The following CNTNAP2 variants were observed in gnomAD, a reference collection of about 807,000 sequenced individuals.
The protein encoded by CNTNAP2 is contactin-associated protein-like 2.
A neutral mutation model predicts 155.2 loss-of-function variants in CNTNAP2; 98 were observed. That is an observed-to-expected ratio of 0.63 (90% CI 0.54 to 0.75). The LOEUF is 0.75. Among genes scored for constraint, CNTNAP2 ranks in the 30% least tolerant of loss-of-function variants. The pLI is 0.00. For synonymous variants in CNTNAP2, 651 were observed against 631.2 expected (o/e 1.03, Z -0.47); for missense variants, 1,727 against 1,688.1 (o/e 1.02, Z -0.40).
chr7:148,166,833 C>T lies in CNTNAP2; in HGVS notation c.2774-5409C>T, dbSNP rs114321977. Among the ~76,000 whole-genome samples, 466 of 152,256 alleles carry T rather than the reference C, an allele frequency of 3.1e-3. 2 individuals carry two copies. The highest frequency in any genetic ancestry group is 0.01 in the African/African-American group (428 of 41,554). On this transcript the variant is annotated intron_variant, in intron 17 of 23. Transcript: ENST00000361727. Reference sequence around the variant, plus strand: ...TTTGCTTGAAGACCTATAATTTAAACTTATGACGTTTGTCACCAAGAAAGA... The same window carrying T: ...TTTGCTTGAAGACCTATAATTTAAATTTATGACGTTTGTCACCAAGAAAGA...
chr7:146,821,542 A>C (rs1156626001), intron 2 of CNTNAP2, among the ~76,000 whole-genome samples: 3 of 152,128 alleles, frequency 2.0e-5, no homozygotes, highest in African/African-American at 4.8e-5. Flanking sequence ...GCAACCTACG[A>C]AATGGGAGAA....
At chr7:146,906,744 C>T (rs957989338) in intron 3 of CNTNAP2, among the ~76,000 whole-genome samples, 11 of 152,160 alleles carry the variant, frequency 7.2e-5, no homozygotes, top group African/African-American at 2.7e-4. Context: ...ACGCAGAACA[C>T]CTCTCCTCCT....
intron 13 of CNTNAP2, among the ~76,000 whole-genome samples, chr7:147,649,853 TA>T (rs1404811261): frequency 1.3e-5 from 2 of 151,160 alleles, no homozygotes; most frequent in African/African-American, 4.8e-5. Context: ...AAAAGTCTTC[TA>T]AAAAGATTGG....
At chr7:146,830,333 A>G (rs1353591090) in intron 2 of CNTNAP2, among the ~76,000 whole-genome samples, 1 of 152,072 alleles carries the variant, frequency 6.6e-6, no homozygotes, top group Non-Finnish European at 1.5e-5. Context: ...TGATTTTTGA[A>G]AAAGGAAACA....
At chr7:146,403,742 G>C (rs1451779113) in intron 1 of CNTNAP2, among the ~76,000 whole-genome samples, 1 of 151,920 alleles carries the variant, frequency 6.6e-6, no homozygotes, top group Non-Finnish European at 1.5e-5. Flanking sequence ...AACACTATTG[G>C]ACAAAACAAA....
At chr7:146,429,882 G>C (rs182905002) in intron 1 of CNTNAP2, among the ~76,000 whole-genome samples, 8 of 152,140 alleles carry the variant, frequency 5.3e-5, no homozygotes, top group African/African-American at 1.9e-4. Context: ...TCTTATTATT[G>C]TGAAGTATGT....
At chr7:146,836,927 G>A (rs530979335) in intron 2 of CNTNAP2, among the ~76,000 whole-genome samples, 1 of 151,880 alleles carries the variant, frequency 6.6e-6, no homozygotes, top group East Asian at 1.9e-4. Context: ...CATCATGTCT[G>A]TTAGGTTGTT....
chr7:146,253,019 AAAC>A (rs1442508548), intron 1 of CNTNAP2, among the ~76,000 whole-genome samples: 1 of 152,212 alleles, frequency 6.6e-6, no homozygotes, highest in East Asian at 1.9e-4. Flanking sequence ...AATATGAGAA[AAAC>A]AACTTTACCA....
At chr7:148,288,345 C>T (rs1039369913) in intron 21 of CNTNAP2, among the ~76,000 whole-genome samples, 11 of 151,958 alleles carry the variant, frequency 7.2e-5, no homozygotes, top group Non-Finnish European at 1.3e-4. Context: ...GTGATCTGCC[C>T]GCCTCATCCT....
chr7:147,401,125 C>T (rs1240798926), intron 10 of CNTNAP2, among the ~76,000 whole-genome samples: 5 of 152,076 alleles, frequency 3.3e-5, no homozygotes, highest in Non-Finnish European at 7.3e-5. Context: ...TTGTTAGAGC[C>T]AGCACTAGTA....
intron 8 of CNTNAP2, among the ~76,000 whole-genome samples, chr7:147,243,661 A>C (rs1284938397): frequency 6.6e-6 from 1 of 152,226 alleles, no homozygotes; most frequent in Non-Finnish European, 1.5e-5. Context: ...TTAACAATGC[A>C]AAATTTGTGG....
At chr7:147,444,733 G>A (rs887289223) in intron 10 of CNTNAP2, among the ~76,000 whole-genome samples, 2 of 152,124 alleles carry the variant, frequency 1.3e-5, no homozygotes, top group Admixed American at 1.3e-4. Flanking sequence ...AGGAACCAGG[G>A]AGATAGCAAG....
rs78959435 is a variant in CNTNAP2, at chr7:146,860,002, C to A, written c.402+20098C>A. ...TTTAAGAACAAGAGACTTGAGATTA[C>A]CTTTAGAGGTGGGTTCAGCTCAAAA... On this transcript the variant is annotated intron_variant, in intron 3 of 23. Coordinates refer to ENST00000361727, the MANE Select transcript of CNTNAP2 (RefSeq NM_014141.6). Among the ~76,000 whole-genome samples, 1,277 of 152,204 alleles carry A rather than the reference C, an allele frequency of 8.4e-3. 17 individuals carry two copies. Among genetic ancestry groups the A allele is most frequent in the African/African-American group, 0.027 (1,134 of 41,526 alleles).
chr7:146,920,921 A>C (rs1369303316), intron 3 of CNTNAP2, among the ~76,000 whole-genome samples: 4 of 152,216 alleles, frequency 2.6e-5, no homozygotes, highest in Non-Finnish European at 5.9e-5. Flanking sequence ...CCAGTAAAAC[A>C]ATGCTTTCAG....
At chr7:146,988,701 C>T (rs1798158886) in intron 3 of CNTNAP2, among the ~76,000 whole-genome samples, 2 of 152,162 alleles carry the variant, frequency 1.3e-5, no homozygotes, top group African/African-American at 4.8e-5. Context: ...ACCATTTGAA[C>T]ACATGACTAA....
At chr7:146,366,028 A>G (rs1795150263) in intron 1 of CNTNAP2, among the ~76,000 whole-genome samples, 1 of 152,096 alleles carries the variant, frequency 6.6e-6, no homozygotes, top group Non-Finnish European at 1.5e-5. Flanking sequence ...TTTTACTTCA[A>G]TTTTCCTCTC....
At chr7:148,289,419 G>A (rs10277373) in intron 21 of CNTNAP2, among the ~76,000 whole-genome samples, 4 of 151,942 alleles carry the variant, frequency 2.6e-5, no homozygotes, top group Middle Eastern at 3.2e-3. Context: ...GGGAGTTTTC[G>A]GAACAGATTT....
chr7:147,889,546 TCC>T (rs1799653053), intron 13 of CNTNAP2, among the ~76,000 whole-genome samples: 2 of 152,294 alleles, frequency 1.3e-5, no homozygotes, highest in South Asian at 4.1e-4. Context: ...CATAAAAATT[TCC>T]AAATTACTGA....
chr7:146,938,188 A>C (rs1187839573), intron 3 of CNTNAP2, among the ~76,000 whole-genome samples: 13 of 152,012 alleles, frequency 8.6e-5, no homozygotes. Flanking sequence ...GAAGAGAGTA[A>C]ATCTATAATC....
Sources: gnomAD v4.1 joint callset for allele counts (sites outside exome capture counted in the v4.1 genomes callset) on GRCh38, gnomAD v4.1.1 for gene constraint, MANE v1.5 for transcripts, NCBI Gene and HGNC (gene_info 2026-07-23, HGNC 2026-07-21) for gene names.